Variants in RARB observed in about 807,000 individuals in gnomAD.
RARB encodes the protein HBV-activated protein.
RARB carries 17 observed loss-of-function variants against 51.9 expected under a neutral mutation model. The ratio of observed to expected loss-of-function variants is 0.33; its 90% CI spans 0.22 to 0.49. The LOEUF (loss-of-function observed/expected upper bound fraction) is 0.49. Among genes scored for constraint, RARB ranks in the 20% least tolerant of loss-of-function variants. The pLI is 0.99. For missense variants in RARB, 369 were observed against 550.8 expected (o/e 0.67, Z 3.30); for synonymous variants, 215 against 195.4 (o/e 1.10, Z -0.84).
At chr3:25,184,047 T>C (rs1052804686) in intron 5 of RARB, among the ~76,000 whole-genome samples, 8 of 152,156 alleles carry the variant, frequency 5.3e-5, no homozygotes, top group African/African-American at 1.9e-4. Flanking sequence ...AATCCTTCCC[T>C]GGTTAACTTG....
intron 5 of RARB, among the ~76,000 whole-genome samples, chr3:25,588,970 C>T (rs1281683622): frequency 6.6e-6 from 1 of 152,144 alleles, no homozygotes; most frequent in Non-Finnish European, 1.5e-5. Context: ...TAAGTCCAGG[C>T]CACACTCAAG....
chr3:25,281,430 A>C (rs570640405), intron 5 of RARB, among the ~76,000 whole-genome samples: 1 of 152,310 alleles, frequency 6.6e-6, no homozygotes, highest in East Asian at 1.9e-4. Flanking sequence ...CCTGTAATCC[A>C]TTTAGCAAAT....
chr3:24,914,402 T>A (rs1695063977), intron 2 of RARB, among the ~76,000 whole-genome samples: 1 of 152,126 alleles, frequency 6.6e-6, no homozygotes, highest in Non-Finnish European at 1.5e-5. Flanking sequence ...GTATGCCCTC[T>A]CAGATAGGCC....
chr3:25,227,965 C>T (rs938890687), intron 5 of RARB, among the ~76,000 whole-genome samples: 2 of 152,144 alleles, frequency 1.3e-5, no homozygotes, highest in East Asian at 1.9e-4. Flanking sequence ...GACATTGCCT[C>T]TATGTCTTTT....
intron 2 of RARB, among the ~76,000 whole-genome samples, chr3:25,498,044 GAC>G: frequency 6.6e-6 from 1 of 152,288 alleles, no homozygotes; most frequent in South Asian, 2.1e-4. Context: ...GCCTGCAGCA[GAC>G]ACAGTGTCCA....
At chr3:25,443,844 T>C (rs745942490) in intron 1 of RARB, among the ~76,000 whole-genome samples, 9 of 150,652 alleles carry the variant, frequency 6.0e-5, no homozygotes, top group Admixed American at 1.3e-4. Flanking sequence ...GACAGGAGAA[T>C]CACTTGAACC....
intron 2 of RARB, among the ~76,000 whole-genome samples, chr3:24,913,856 G>C (rs553207942): frequency 3.0e-4 from 46 of 152,260 alleles, no homozygotes; most frequent in Non-Finnish European, 5.9e-4. Flanking sequence ...GTCTAAAATA[G>C]TACTCCAGCA....
chr3:25,051,680 A>G (rs765186749), intron 2 of RARB, among the ~76,000 whole-genome samples: 3 of 152,202 alleles, frequency 2.0e-5, no homozygotes, highest in Non-Finnish European at 2.9e-5. Context: ...CAAGAAAGTT[A>G]CAGTTCAGAA....
chr3:25,149,107 G>T (rs888737020), intron 4 of RARB, among the ~76,000 whole-genome samples: 2 of 152,184 alleles, frequency 1.3e-5, no homozygotes, highest in African/African-American at 4.8e-5. Flanking sequence ...CTCTTGAGCA[G>T]GGGGAGAAAA....
At chr3:25,105,920 T>C (rs1331601784) in intron 3 of RARB, among the ~76,000 whole-genome samples, 1 of 152,204 alleles carries the variant, frequency 6.6e-6, no homozygotes, top group African/African-American at 2.4e-5. Flanking sequence ...AAATGTAATC[T>C]AAATGCAACC....
rs562038944 is a variant in RARB, at chr3:25,205,755, T to C, written c.178+31180T>C. Among the ~76,000 whole-genome samples the C allele has an allele frequency of 1.7e-3, 256 of 152,240 alleles. 1 individual carries two copies. The highest frequency in any genetic ancestry group is 4.4e-3 in the South Asian group (21 of 4,812). ...AACAAATATTAAAAACCTTTTTTTT[T>C]TTCTTGAGACGGGGTCTCACTCTGT... is the stretch of plus-strand genomic sequence containing the variant. On this transcript the variant is annotated intron_variant, in intron 5 of 11. Transcript: ENST00000383772.
intron 5 of RARB, among the ~76,000 whole-genome samples, chr3:25,310,495 G>A (rs1231404135): frequency 6.6e-6 from 1 of 152,204 alleles, no homozygotes; most frequent in African/African-American, 2.4e-5. Context: ...GACATTTCAT[G>A]TAGTAACCAC....
chr3:25,524,090 G>A (rs1698529476), intron 3 of RARB, among the ~76,000 whole-genome samples: 1 of 152,150 alleles, frequency 6.6e-6, no homozygotes. Flanking sequence ...GAAGGAATTT[G>A]TTTAAAAAGC....
At chr3:25,231,569 T>G (rs775111707) in intron 5 of RARB, among the ~76,000 whole-genome samples, 1 of 152,172 alleles carries the variant, frequency 6.6e-6, no homozygotes, top group Non-Finnish European at 1.5e-5. Context: ...AGAGTTCCAG[T>G]TGATCTATAT....
intron 2 of RARB, among the ~76,000 whole-genome samples, chr3:24,924,128 G>C (rs1352164917): frequency 1.3e-5 from 2 of 152,016 alleles, no homozygotes; most frequent in Non-Finnish European, 2.9e-5. Flanking sequence ...AGGCATCCCA[G>C]AAATAAACTC....
At chr3:24,994,442 G>T (rs983004588) in intron 2 of RARB, among the ~76,000 whole-genome samples, 4 of 152,026 alleles carry the variant, frequency 2.6e-5, no homozygotes, top group Admixed American at 1.3e-4. Flanking sequence ...CTCCCATTAG[G>T]TAGGTTGTCT....
intron 2 of RARB, among the ~76,000 whole-genome samples, chr3:25,478,761 C>T (rs773755953): frequency 6.6e-6 from 1 of 152,202 alleles, no homozygotes; most frequent in Non-Finnish European, 1.5e-5. Context: ...GCTGATCTCT[C>T]AGGGAGTGGT....
intron 5 of RARB, among the ~76,000 whole-genome samples, chr3:25,241,811 C>T (rs1702437602): frequency 6.6e-6 from 1 of 152,166 alleles, no homozygotes; most frequent in African/African-American, 2.4e-5. Context: ...ATTTATAATC[C>T]TTTGGGTATA....
chr3:24,968,183 A>G (rs1696318247), intron 2 of RARB, among the ~76,000 whole-genome samples: 1 of 152,174 alleles, frequency 6.6e-6, no homozygotes, highest in African/African-American at 2.4e-5. Flanking sequence ...GCAATTAAGC[A>G]TGTGCTACAT....
Sources: gnomAD v4.1 joint callset for allele counts (sites outside exome capture counted in the v4.1 genomes callset) on GRCh38, gnomAD v4.1.1 for gene constraint, MANE v1.5 for transcripts, NCBI Gene and HGNC (gene_info 2026-07-23, HGNC 2026-07-21) for gene names.